The following DOCK8 variants were observed in gnomAD, a reference collection of about 807,000 sequenced individuals.
The protein encoded by DOCK8 is dedicator of cytokinesis protein 8.
DOCK8 carries 141 observed loss-of-function variants against 245.6 expected under a neutral mutation model. The observed-to-expected ratio is 0.57, with a 90% CI of 0.50 to 0.66. The LOEUF is 0.66. DOCK8 is among the 30% of genes least tolerant of loss of function. The probability of loss-of-function intolerance (pLI) is 0.00; values close to 1 mark genes in which losing one functional copy is unlikely to be tolerated. For missense variants in DOCK8, 2,965 were observed against 2,603.4 expected (o/e 1.14, Z -3.02); for synonymous variants, 1,168 against 970.2 (o/e 1.20, Z -3.79).
Position 317,123 on chromosome 9 carries a change from C to T in DOCK8, c.822C>T (p.Thr274=), listed in dbSNP as rs774511378. ...LGNRILVKLL[T]LKFEIEIEPL... ...ACAGAATATTGGTCAAGTTGCTGACCTTGAAGTAAGTATCAACAAACACAC... is the reference window on the plus strand; with the variant it reads ...ACAGAATATTGGTCAAGTTGCTGACTTTGAAGTAAGTATCAACAAACACAC... Residue 274 remains threonine, a synonymous_variant, in exon 7 of 48, where the codon ACC becomes ACT. Transcript: ENST00000432829. The T allele has an allele frequency of 1.2e-6, 2 of 1,612,406 alleles. No homozygotes were observed. The highest frequency in any genetic ancestry group is 1.7e-6 in the Non-Finnish European group (2 of 1,178,486).
Position 336,566 on chromosome 9 carries a change from A to G in DOCK8, c.1286-16A>G, listed in dbSNP as rs747458140. The stretch of plus-strand genomic sequence containing the variant: ...CAGAAAGGCATACTTTGGAGTGACA[A>G]TTGTTTTTCTTAAAGGGAGAAGCTC... On this transcript the variant is annotated splice_polypyrimidine_tract_variant and intron_variant, in intron 11 of 47. Transcript: ENST00000432829. 29 of 1,614,052 alleles carry G rather than the reference A, an allele frequency of 1.8e-5. No individual in the cohort carries two copies. Among genetic ancestry groups the G allele is most frequent in the South Asian group, 1.6e-4 (15 of 91,086 alleles).
intron 11 of DOCK8, among the ~76,000 whole-genome samples, chr9:336,026 C>T (rs12377330): frequency 0.26 from 40,068 of 152,074 alleles, 5,747 homozygotes; most frequent in Middle Eastern, 0.36. Context: ...CAGCCCAAGT[C>T]TGAGTGTGAT....
At chr9:231,346 G>A (rs1263797314) in intron 1 of DOCK8, among the ~76,000 whole-genome samples, 1 of 152,122 alleles carries the variant, frequency 6.6e-6, no homozygotes, top group African/African-American at 2.4e-5. Flanking sequence ...GATGCCTCCA[G>A]CTTTGTTCTT....
At position 214,941 on chromosome 9, in the gene DOCK8, C is replaced by G. The variant is rs938409338; in HGVS notation, c.-36C>G. On this transcript the variant is annotated 5_prime_UTR_variant, in exon 1 of 48. Transcript: ENST00000432829. ...GCGCCAGGCCCCCGCTTTCCGCACC[C>G]CGCGACCCTAGAAGCCACCGAACCG... The G allele has an allele frequency of 1.2e-6, 2 of 1,604,452 alleles. No homozygotes were observed. The highest frequency in any genetic ancestry group is 2.7e-5 in the African/African-American group (2 of 73,608).
At chr9:437,419 C>T (rs1196047298) in intron 39 of DOCK8, among the ~76,000 whole-genome samples, 1 of 152,206 alleles carries the variant, frequency 6.6e-6, no homozygotes, top group East Asian at 1.9e-4. Context: ...CTTACTGATC[C>T]TGTCTGAACA....
Position 340,408 on chromosome 9 carries a change from C to G in DOCK8, c.1679+87C>G. On this transcript the variant is annotated intron_variant, in intron 14 of 47. Coordinates refer to ENST00000432829, the MANE Select transcript of DOCK8 (RefSeq NM_203447.4). ...GGCCGAGGCAGGAGGATTGCTTGAG[C>G]TCAGGAGTTTGAGACCAGCCTTGGC... 12 of 1,554,804 alleles carry G rather than the reference C, an allele frequency of 7.7e-6. 1 individual carries two copies. The South Asian group carries it at 1.4e-4, about 18-fold the overall frequency.
At chr9:371,189 T>G (rs1363817183) in intron 16 of DOCK8, among the ~76,000 whole-genome samples, 1 of 152,138 alleles carries the variant, frequency 6.6e-6, no homozygotes, top group African/African-American at 2.4e-5. Flanking sequence ...TGTTTTTTGT[T>G]TTTTGTTTTT....
chr9:443,262 G>C (rs1185403197), intron 42 of DOCK8, among the ~76,000 whole-genome samples, 165 bp from the exon 43 acceptor site: 1 of 152,122 alleles, frequency 6.6e-6, no homozygotes, highest in African/African-American at 2.4e-5. Flanking sequence ...TTTTATTTTT[G>C]TCTTAGGAAA....
At position 328,178 on chromosome 9, in the gene DOCK8, C is replaced by T. The variant is rs764067742; in HGVS notation, c.1044+7C>T. 1.7e-5 allele frequency: 28 copies of T among 1,612,262 alleles called. No individual in the cohort carries two copies. Among genetic ancestry groups the T allele is most frequent in the Non-Finnish European group, 2.4e-5 (28 of 1,179,004 alleles). On this transcript the variant is annotated splice_region_variant and intron_variant, in intron 9 of 47. Transcript: ENST00000432829. ...CATCTACCTGGTAGTCAAGGTAATTCAGTACGATCTGATTTGCCCAATCTG... is the reference window on the plus strand; with the variant it reads ...CATCTACCTGGTAGTCAAGGTAATTTAGTACGATCTGATTTGCCCAATCTG...
At chr9:318,750 A>T (rs1365581229) in intron 7 of DOCK8, among the ~76,000 whole-genome samples, 2 of 152,168 alleles carry the variant, frequency 1.3e-5, no homozygotes, top group Non-Finnish European at 2.9e-5. Context: ...TGGCGGGAGG[A>T]CTGAGTGGAA....
intron 21 of DOCK8, among the ~76,000 whole-genome samples, chr9:381,988 C>G (rs957683416): frequency 6.6e-6 from 1 of 151,922 alleles, no homozygotes; most frequent in Admixed American, 6.6e-5. Context: ...ATAGTAATAT[C>G]TCATAGATTT....
At chr9:365,967 C>T in intron 14 of DOCK8, 1 of 244,750 alleles carries the variant, frequency 4.1e-6, no homozygotes, top group South Asian at 4.9e-5. Context: ...GGGTTTTGGG[C>T]TCTGCCTCTG....
At chr9:424,690 A>AC (rs1450879701) in intron 33 of DOCK8, among the ~76,000 whole-genome samples, 27 of 152,306 alleles carry the variant, frequency 1.8e-4, no homozygotes, top group Admixed American at 3.9e-4. Context: ...GATTACAGGC[A>AC]TGAGCCACTG....
chr9:313,608 T>C (rs1290994726), intron 6 of DOCK8, among the ~76,000 whole-genome samples: 1 of 152,110 alleles, frequency 6.6e-6, no homozygotes, highest in African/African-American at 2.4e-5. Context: ...GCAGGGGCTG[T>C]GGGGAGAGGG....
At chr9:452,217 A>G (rs2057491041) in intron 46 of DOCK8, 100 bp downstream of exon 46, 1 of 786,434 alleles carries the variant, frequency 1.3e-6, no homozygotes. Context: ...TGCTAGAAAG[A>G]CAAAGTCTCA....
At chr9:350,904 T>C (rs989707031) in intron 14 of DOCK8, among the ~76,000 whole-genome samples, 1 of 152,152 alleles carries the variant, frequency 6.6e-6, no homozygotes, top group Non-Finnish European at 1.5e-5. Flanking sequence ...GTTTGTAAAC[T>C]TCCTGAGGGT....
intron 3 of DOCK8, among the ~76,000 whole-genome samples, chr9:288,617 C>T (rs982924971): frequency 1.6e-4 from 24 of 152,122 alleles, no homozygotes; most frequent in African/African-American, 5.8e-4. Flanking sequence ...GCACACTAAC[C>T]GATTTAATCT....
chr9:396,691 T>G (rs1407981351), intron 24 of DOCK8, 94 bp from the exon 25 acceptor site: 2 of 1,540,660 alleles, frequency 1.3e-6, no homozygotes, highest in Non-Finnish European at 1.8e-6. Flanking sequence ...AATCCATTGT[T>G]AGAGAGCATT....
At chr9:308,433 A>G (rs1002439975) in intron 5 of DOCK8, among the ~76,000 whole-genome samples, 6 of 152,250 alleles carry the variant, frequency 3.9e-5, no homozygotes, top group Non-Finnish European at 8.8e-5. Context: ...TCAGACTGCG[A>G]GATGACAGCA....
Sources: gnomAD v4.1 joint callset for allele counts (sites outside exome capture counted in the v4.1 genomes callset) on GRCh38, gnomAD v4.1.1 for gene constraint, MANE v1.5 for transcripts, NCBI Gene and HGNC (gene_info 2026-07-23, HGNC 2026-07-21) for gene names.